The following WEE2 variants were observed in gnomAD, a reference collection of about 807,000 sequenced individuals.
WEE2 encodes wee1-like protein kinase 2.
In WEE2, 50 loss-of-function variants were observed where a neutral mutation model predicts 60.1. That is an observed-to-expected ratio of 0.83 (90% CI 0.66 to 1.05). The LOEUF (loss-of-function observed/expected upper bound fraction) is 1.05. WEE2 is among the 50% of genes least tolerant of loss of function. The probability of loss-of-function intolerance (pLI) is 0.00; values close to 1 mark genes in which losing one functional copy is unlikely to be tolerated. For synonymous variants in WEE2, 240 were observed against 241.0 expected, an observed-to-expected ratio of 1.00 and a Z score of 0.04; for missense variants, 631 against 684.3, an observed-to-expected ratio of 0.92 and a Z score of 0.87.
chr7:141,709,189 G>C lies in WEE2; in HGVS notation c.342+89G>C. The C allele has an allele frequency of 3.0e-6, 3 of 991,908 alleles. No individual in the cohort carries two copies. The South Asian group carries it at 4.4e-5, about 15-fold the overall frequency. The allele number at this position is 991,908 out of a possible 1,614,324, so 61.4% of individuals were successfully genotyped here. On this transcript the variant is annotated intron_variant, in intron 1 of 11. Transcript: ENST00000397541. ...TGATAGAGTGGATTCATGTGTGTAT[G>C]ACAGTCACCTCCAGGCTGTGTATAT...
chr7:141,722,583 G>A (rs59492871), intron 5 of WEE2, among the ~76,000 whole-genome samples: 1,794 of 152,174 alleles, frequency 0.012, 36 homozygotes, highest in African/African-American at 0.041. Context: ...TCCTTGGGTT[G>A]GCAGTCATTA....
chr7:141,724,868 C>T (rs1303282964), intron 8 of WEE2, among the ~76,000 whole-genome samples, 158 bp from the exon 9 acceptor site: 1 of 152,226 alleles, frequency 6.6e-6, no homozygotes, highest in African/African-American at 2.4e-5. Context: ...CGTGTTCTCT[C>T]TTCTCTAGAA....
intron 5 of WEE2, 91 bp from the exon 6 acceptor site, chr7:141,723,043 T>C (rs117548069): frequency 0.012 from 17,843 of 1,516,548 alleles, 149 homozygotes; most frequent in Non-Finnish European, 0.014. Flanking sequence ...CTGGAACTAA[T>C]ACCCTGAAGA....
chr7:141,715,754 G>T (rs1173940860), intron 2 of WEE2, among the ~76,000 whole-genome samples: 1 of 152,132 alleles, frequency 6.6e-6, no homozygotes, highest in African/African-American at 2.4e-5. Flanking sequence ...CAAATGCTTT[G>T]GTGTCAGACC....
Position 141,720,919 on chromosome 7 carries a change from C to A in WEE2, c.759-16C>A, listed in dbSNP as rs1040978483. 1.0e-5 allele frequency: 16 copies of A among 1,607,370 alleles called. No homozygotes were observed. In the Middle Eastern group the frequency reaches 5.0e-4, roughly 50 times the overall value. ...TGATTGATGTTTTTATTCCTCAATG[C>A]TTTTCTGTCTCATAGGAATTCGGCT... On this transcript the variant is annotated splice_polypyrimidine_tract_variant and intron_variant, in intron 4 of 11. Coordinates refer to ENST00000397541, the MANE Select transcript of WEE2 (RefSeq NM_001105558.1).
Position 141,708,669 on chromosome 7 carries a change from T to A in WEE2, c.-90T>A, listed in dbSNP as rs1191353487. The A allele has an allele frequency of 1.1e-5, 13 of 1,165,532 alleles. No individual in the cohort carries two copies. Among genetic ancestry groups the A allele is most frequent in the Non-Finnish European group, 1.6e-5 (13 of 815,828 alleles). The allele number at this position is 1,165,532 out of a possible 1,614,324, so 72.2% of individuals were successfully genotyped here. A position where few individuals can be genotyped will look rare whatever the true frequency, so the allele number is the denominator to read the frequency against. On this transcript the variant is annotated 5_prime_UTR_variant, in exon 1 of 12. Transcript: ENST00000397541. ...GGCTACCGTCGCGAAACCTGCAGGT[T>A]AAGTTATTTTCTCCTCCCTGCTTCT...
intron 1 of WEE2, among the ~76,000 whole-genome samples, chr7:141,712,459 T>C (rs1016596645): frequency 6.6e-6 from 1 of 152,222 alleles, no homozygotes; most frequent in African/African-American, 2.4e-5. Context: ...CTGTGTCATC[T>C]TTCAATAAAT....
chr7:141,713,605 TCA>T (rs1297885421), intron 1 of WEE2, among the ~76,000 whole-genome samples: 1 of 152,210 alleles, frequency 6.6e-6, no homozygotes, highest in Non-Finnish European at 1.5e-5. Flanking sequence ...GAAGCACTTC[TCA>T]GTTAGTGCTT....
chr7:141,729,988 TA>T (rs752330849), intron 11 of WEE2, among the ~76,000 whole-genome samples: 9,385 of 99,288 alleles, frequency 0.095, 399 homozygotes, highest in East Asian at 0.21. Flanking sequence ...ACTCTGTATC[TA>T]AAAAAAAAAA....
At chr7:141,709,407 T>C (rs1798677109) in intron 1 of WEE2, among the ~76,000 whole-genome samples, 1 of 152,154 alleles carries the variant, frequency 6.6e-6, no homozygotes, top group Admixed American at 6.5e-5. Flanking sequence ...TATTGAGATT[T>C]AGAGCTCCAG....
chr7:141,722,600 T>G (rs1798935673), intron 5 of WEE2, among the ~76,000 whole-genome samples: 1 of 152,228 alleles, frequency 6.6e-6, no homozygotes, highest in Admixed American at 6.5e-5. Flanking sequence ...ATTAAATATT[T>G]TATGATCTAT....
chr7:141,723,110 C>G, intron 5 of WEE2, 24 bp from the exon 6 acceptor site: 1 of 1,613,452 alleles, frequency 6.2e-7, no homozygotes, highest in South Asian at 1.1e-5. Flanking sequence ...TACTGTGGGG[C>G]TGTTCTCTGT....
In WEE2 at chr7:141,725,022, G is replaced by A; in HGVS notation, c.1222-4G>A. 6.2e-7 allele frequency: 1 copy of A among 1,612,110 alleles called. No individual in the cohort carries two copies. Among genetic ancestry groups the A allele is most frequent in the African/African-American group, 1.3e-5 (1 of 74,954 alleles). On this transcript the variant is annotated splice_polypyrimidine_tract_variant and splice_region_variant and intron_variant, in intron 8 of 11. Transcript: ENST00000397541. ...AACTGGCCTTCCTGTCTTCTGTTTTGAAGGATTACCGGCACCTTCCCAAAG... is the reference window on the plus strand; with the variant it reads ...AACTGGCCTTCCTGTCTTCTGTTTTAAAGGATTACCGGCACCTTCCCAAAG...
chr7:141,725,657 G>C (rs1799003819), intron 9 of WEE2, among the ~76,000 whole-genome samples: 2 of 151,904 alleles, frequency 1.3e-5, no homozygotes, highest in Admixed American at 6.6e-5. Flanking sequence ...GGCAGCGGAG[G>C]GGGCGTGGAT....
rs748646019 is a variant in WEE2 at position 141,727,344 on chromosome 7, C to T, written c.1433C>T (p.Ala478Val). ...GATGCCGAACAGAGACCTTCTGCAG[C>T]AGCTCTGGCCAGAAATACAGTTCTC... Reference protein sequence around the residue: ...QPDAEQRPSAAALARNTVLRP... With the variant: ...QPDAEQRPSAVALARNTVLRP... Residue 478 changes from alanine (A) to valine (V), a missense_variant, in exon 10 of 12, where the codon GCA becomes GTA. Ala to Val is a moderately conservative substitution (Grantham distance 64). Coordinates refer to ENST00000397541, the MANE Select transcript of WEE2 (RefSeq NM_001105558.1). 9 of 1,614,128 alleles carry T rather than the reference C, an allele frequency of 5.6e-6. No homozygotes were observed.
chr7:141,714,458 T>C (rs1402450602), intron 2 of WEE2, 53 bp downstream of exon 2: 4 of 1,339,974 alleles, frequency 3.0e-6, no homozygotes, highest in Non-Finnish European at 4.1e-6. Flanking sequence ...TACAGTCAAG[T>C]AGTAAGAAGT....
intron 9 of WEE2, 118 bp from the exon 10 acceptor site, chr7:141,727,186 G>C: frequency 9.1e-7 from 1 of 1,104,338 alleles, no homozygotes; most frequent in African/African-American, 1.6e-5. Context: ...TCTGCACAAA[G>C]CAGAAGCAAT....
In WEE2 at chr7:141,727,340, G is replaced by T; in HGVS notation, c.1429G>T (p.Ala477Ser). The change falls in exon 10 of 12, where the codon GCA becomes TCA. Residue 477 changes from alanine (A) to serine (S), a missense_variant. By Grantham distance (99) the Ala-to-Ser change is moderately conservative. Transcript: ENST00000397541. ...ACCTGATGCCGAACAGAGACCTTCT[G>T]CAGCAGCTCTGGCCAGAAATACAGT... ...IQPDAEQRPSAAALARNTVLR... is the reference protein window; with the variant it reads ...IQPDAEQRPSSAALARNTVLR... 1 of 1,614,110 alleles carries T rather than the reference G, an allele frequency of 6.2e-7. No homozygotes were observed. The highest frequency in any genetic ancestry group is 8.5e-7 in the Non-Finnish European group (1 of 1,180,000).
At chr7:141,724,881 CACTA>C in intron 8 of WEE2, 141 bp from the exon 9 acceptor site, 5 of 918,940 alleles carry the variant, frequency 5.4e-6, no homozygotes, top group Non-Finnish European at 8.1e-6. Flanking sequence ...CTCTAGAAAT[CACTA>C]ACTACAGCGA....
Sources: allele counts gnomAD v4.1 joint callset (sites outside exome capture counted in the v4.1 genomes callset), GRCh38; gene constraint gnomAD v4.1.1; transcripts MANE v1.5; gene names NCBI Gene and HGNC (gene_info 2026-07-23, HGNC 2026-07-21).